Variants in A4GALT observed in about 807,000 individuals in gnomAD.
A4GALT encodes the protein lactosylceramide 4-alpha-galactosyltransferase.
For synonymous variants in A4GALT, 257 were observed against 220.7 expected, an observed-to-expected ratio of 1.16 and a Z score of -1.46; for missense variants, 512 against 486.0, an observed-to-expected ratio of 1.05 and a Z score of -0.50.
intron 1 of A4GALT, among the ~76,000 whole-genome samples, chr22:42,702,613 AGGCGTGAGCCGCCGTGTCC>A (rs1920930052): frequency 6.6e-6 from 1 of 152,202 alleles, no homozygotes; most frequent in Non-Finnish European, 1.5e-5. Flanking sequence ...CTGGGATTAC[AGGCGTGAGCCGCCGTGTCC>A]GGCTGAAACA....
intron 1 of A4GALT, among the ~76,000 whole-genome samples, chr22:42,705,471 C>T (rs1289073584): frequency 2.3e-5 from 3 of 131,036 alleles, no homozygotes; most frequent in South Asian, 2.7e-4. Context: ...GGCATGGTGG[C>T]GCGTGCCTGT....
rs553414044 is a variant in A4GALT at position 42,698,366 on chromosome 22, C to T, written c.-187-2735G>A. ...CTCTGCAGACCCCAACTAGGGGCAT[C>T]AGCATCAGGGGCTAGGCCCAAGGGC... is the stretch of plus-strand genomic sequence containing the variant. On this transcript the variant is annotated intron_variant, in intron 1 of 2. Transcript: ENST00000642412. Among the ~76,000 whole-genome samples, 13 of 152,332 alleles carry T rather than the reference C, an allele frequency of 8.5e-5. No homozygotes were observed. In the South Asian group the frequency reaches 2.7e-3, roughly 32 times the overall value.
At chr22:42,705,334 C>A (rs1176430931) in intron 1 of A4GALT, among the ~76,000 whole-genome samples, 5 of 152,194 alleles carry the variant, frequency 3.3e-5, no homozygotes, top group African/African-American at 1.2e-4. Context: ...GGCGCAATGG[C>A]TCATGCCTGT....
chr22:42,710,866 A>C (rs921905361), intron 1 of A4GALT, among the ~76,000 whole-genome samples: 2 of 152,026 alleles, frequency 1.3e-5, no homozygotes, highest in Non-Finnish European at 2.9e-5. Context: ...TACTAAAAAT[A>C]CAAAAAAAAT....
chr22:42,721,203 T>C (rs546297833), upstream of A4GALT: 440 of 152,338 alleles, frequency 2.9e-3, 1 homozygote, highest in Non-Finnish European at 4.7e-3. Context: ...CTGTCACCCC[T>C]GGGACCCGGG....
In A4GALT at chr22:42,692,760, T is replaced by C. The variant is rs533051475; in HGVS notation, c.*130A>G. 35 of 1,083,630 alleles carry C rather than the reference T, an allele frequency of 3.2e-5. No individual in the cohort carries two copies. In the East Asian group the frequency reaches 8.7e-4, roughly 27 times the overall value. The allele number at this position is 1,083,630 out of a possible 1,614,324, so 67.1% of individuals were successfully genotyped here. On this transcript the variant is annotated 3_prime_UTR_variant, in exon 3 of 3. Transcript: ENST00000642412. This position sits in a 1 kb window ranked among gnomAD's most constrained non-coding sequence, Gnocchi z 4.6. ...CTCCCACTGGGCCTGCTCCCACAGCTCCTCAACAGCCTGCCTAAGCCCGGT... is the reference window on the plus strand; with the variant it reads ...CTCCCACTGGGCCTGCTCCCACAGCCCCTCAACAGCCTGCCTAAGCCCGGT...
chr22:42,707,842 C>G (rs1921286576), intron 1 of A4GALT, among the ~76,000 whole-genome samples: 1 of 151,012 alleles, frequency 6.6e-6, no homozygotes, highest in Non-Finnish European at 1.5e-5. Flanking sequence ...AAATAAAACA[C>G]AGAAACATGG....
chr22:42,715,023 C>T (rs1922042812), intron 1 of A4GALT, among the ~76,000 whole-genome samples: 1 of 126,390 alleles, frequency 7.9e-6, no homozygotes, highest in Non-Finnish European at 1.6e-5. Flanking sequence ...GAGTTCTGAG[C>T]AAACAGCAGA....
intron 1 of A4GALT, among the ~76,000 whole-genome samples, chr22:42,714,274 CAAAAAAAAAAAAA>C (rs1163088658): frequency 0.048 from 781 of 16,176 alleles, 16 homozygotes; most frequent in African/African-American, 0.12. Context: ...GACTCTGTCT[CAAAAAAAAAAAAA>C]AAAAAAAAAA....
intron 1 of A4GALT, among the ~76,000 whole-genome samples, chr22:42,709,266 G>C (rs1329529511): frequency 3.4e-5 from 5 of 147,562 alleles, no homozygotes; most frequent in Non-Finnish European, 6.0e-5. Flanking sequence ...TACCCAGGCT[G>C]GTCTTGAATT....
intron 1 of A4GALT, among the ~76,000 whole-genome samples, chr22:42,709,143 C>T (rs987197094): frequency 1.3e-5 from 2 of 150,034 alleles, no homozygotes; most frequent in Non-Finnish European, 3.0e-5. Flanking sequence ...ACAGCCTCTA[C>T]TTTCCAGGCT....
chr22:42,698,294 G>C (rs1440928943), intron 1 of A4GALT, among the ~76,000 whole-genome samples: 1 of 150,910 alleles, frequency 6.6e-6, no homozygotes. Context: ...GGAGACAGAA[G>C]GCCAAAGGCT....
intron 1 of A4GALT, among the ~76,000 whole-genome samples, chr22:42,714,293 A>AAAAAC (rs1921965897): frequency 6.8e-6 from 1 of 147,712 alleles, no homozygotes; most frequent in African/African-American, 2.5e-5. Context: ...AAAAAAAAAA[A>AAAAAC]AAAAAAAAAA....
intron 1 of A4GALT, among the ~76,000 whole-genome samples, chr22:42,713,993 TA>T (rs1921929289): frequency 7.4e-6 from 1 of 136,018 alleles, no homozygotes; most frequent in South Asian, 2.3e-4. Context: ...AAAATAAAAA[TA>T]AAAAAATTAG....
At position 42,692,337 on chromosome 22, in the gene A4GALT, A is replaced by C; in HGVS notation, c.*553T>G. ...AGGGGCTGCCCCCAAACGGCTCCCCAGGCTGGCACTTCTGGGCCTCTGCCC... is the reference window on the plus strand; with the variant it reads ...AGGGGCTGCCCCCAAACGGCTCCCCCGGCTGGCACTTCTGGGCCTCTGCCC... On this transcript the variant is annotated 3_prime_UTR_variant, in exon 3 of 3. Coordinates refer to ENST00000642412, the MANE Select transcript of A4GALT (RefSeq NM_017436.7). This position sits in a 1 kb window ranked among gnomAD's most constrained non-coding sequence, Gnocchi z 4.6. 7.5e-6 allele frequency: 2 copies of C among 265,266 alleles called. No homozygotes were observed. The highest frequency in any genetic ancestry group is 1.0e-4 in the East Asian group (1 of 10,012). 16.4% of individuals were successfully genotyped at this position (265,266 alleles called of 1,614,324 possible).
At chr22:42,713,678 G>C (rs946351787) in intron 1 of A4GALT, among the ~76,000 whole-genome samples, 3 of 152,164 alleles carry the variant, frequency 2.0e-5, no homozygotes, top group East Asian at 3.9e-4. Context: ...CAGGCATGGT[G>C]GTGGGCACCT....
Position 42,714,563 on chromosome 22 carries a change from CA to C in A4GALT, c.-188+6233del, listed in dbSNP as rs560634383. Reference sequence around the variant, plus strand: ...TGGGCAACAGAGCAAGGTCCTGTCTCAAAAAAAAAAAAGATCAACCTAGCCA... The same window carrying C: ...TGGGCAACAGAGCAAGGTCCTGTCTCAAAAAAAAAAAGATCAACCTAGCCA... On this transcript the variant is annotated intron_variant, in intron 1 of 2. Transcript: ENST00000642412. Among the ~76,000 whole-genome samples the C allele has an allele frequency of 6.7e-3, 932 of 138,316 alleles. 6 individuals are homozygous for C. The highest frequency in any genetic ancestry group is 0.027 in the East Asian group (131 of 4,800). The allele number at this position is 138,316 out of a possible 152,430, so 90.7% of individuals were successfully genotyped here. A position where few individuals can be genotyped will look rare whatever the true frequency, so the allele number is the denominator to read the frequency against.
At chr22:42,720,500 GGGGCTGCCCTCGA>G (rs1922625532) in intron 1 of A4GALT, among the ~76,000 whole-genome samples, 1 of 152,160 alleles carries the variant, frequency 6.6e-6, no homozygotes, top group African/African-American at 2.4e-5. Flanking sequence ...CCAACCGGGT[GGGGCTGCCCTCGA>G]GGGCTCCGGA....
At position 42,720,352 on chromosome 22, in the gene A4GALT, G is replaced by C. The variant is rs116313352; in HGVS notation, c.-188+445C>G. On this transcript the variant is annotated intron_variant, in intron 1 of 2. Transcript: ENST00000642412. ...CGGCCGCTCTCCATCCCCGTCCCCG[G>C]TCGCATCCGCTCCGGGGCGAGCACC... Among the ~76,000 whole-genome samples, 1,387 of 143,550 alleles carry C rather than the reference G, an allele frequency of 9.7e-3. 23 individuals are homozygous for C. The highest frequency in any genetic ancestry group is 0.034 in the African/African-American group (1,327 of 39,180). The allele number at this position is 143,550 out of a possible 152,430, so 94.2% of individuals were successfully genotyped here.
Sources: gnomAD v4.1 joint callset for allele counts (sites outside exome capture counted in the v4.1 genomes callset) on GRCh38, gnomAD v4.1.1 for gene constraint, Gnocchi (gnomAD v3.1) non-coding constraint, MANE v1.5 for transcripts, NCBI Gene and HGNC (gene_info 2026-07-23, HGNC 2026-07-21) for gene names.